Variants in TMEM272 observed in about 807,000 individuals in gnomAD.
The protein encoded by TMEM272 is transmembrane protein 272.
A neutral mutation model predicts 3.7 loss-of-function variants in TMEM272; 8 were observed. The observed-to-expected ratio is 2.17, with a 90% CI of 1.27 to 3.91. The LOEUF (loss-of-function observed/expected upper bound fraction) is 3.91. Ranked by LOEUF, TMEM272 falls within the 30% of genes most tolerant of loss-of-function variation. The pLI, the probability that TMEM272 is intolerant of heterozygous loss-of-function variation, is 0.00. For missense variants in TMEM272, 166 were observed against 91.5 expected, an observed-to-expected ratio of 1.81 and a Z score of -3.32; for synonymous variants, 63 against 39.8, an observed-to-expected ratio of 1.58 and a Z score of -2.20.
intron 1 of TMEM272, among the ~76,000 whole-genome samples, chr13:51,840,366 G>A (rs1434129245): frequency 6.6e-6 from 1 of 152,192 alleles, no homozygotes; most frequent in Non-Finnish European, 1.5e-5. Context: ...CCATTTTACA[G>A]ATGAAGAAAC....
chr13:51,877,356 C>T, the TMEM272 span, among the ~76,000 whole-genome samples: 2 of 152,154 alleles, frequency 1.3e-5, no homozygotes, highest in Non-Finnish European at 2.9e-5. Context: ...CTGCCTTGTC[C>T]ATCTCTGTAC....
chr13:51,899,712 G>C, the TMEM272 span, among the ~76,000 whole-genome samples: 1 of 152,244 alleles, frequency 6.6e-6, no homozygotes, highest in African/African-American at 2.4e-5. Context: ...CAACAAAACT[G>C]GGGGACTCAA....
the TMEM272 span, chr13:51,909,925 T>C: frequency 1.2e-6 from 2 of 1,601,086 alleles, no homozygotes; most frequent in South Asian, 1.1e-5. Flanking sequence ...ACTTGTTCTT[T>C]CCATACTTCA....
intron 1 of TMEM272, among the ~76,000 whole-genome samples, chr13:51,840,769 G>A (rs907460843): frequency 1.3e-5 from 2 of 152,182 alleles, no homozygotes; most frequent in African/African-American, 4.8e-5. Context: ...CTCTTCACAA[G>A]GCTCCATTTT....
the TMEM272 span, among the ~76,000 whole-genome samples, chr13:51,891,254 G>A: frequency 5.6e-4 from 85 of 152,274 alleles, 1 homozygote; most frequent in South Asian, 1.9e-3. Flanking sequence ...ATTACCAAGA[G>A]AAAAGCCTTG....
At chr13:51,854,313 C>T in the TMEM272 span, among the ~76,000 whole-genome samples, 8 of 152,170 alleles carry the variant, frequency 5.3e-5, no homozygotes, top group African/African-American at 9.7e-5. Context: ...TGTAAGAATA[C>T]TTCCCCAACC....
the TMEM272 span, among the ~76,000 whole-genome samples, chr13:51,879,102 T>C: frequency 6.6e-6 from 1 of 152,196 alleles, no homozygotes; most frequent in East Asian, 1.9e-4. Flanking sequence ...AATGGGAACG[T>C]AAGCAGAACT....
chr13:51,908,265 G>C, the TMEM272 span: 1 of 213,330 alleles, frequency 4.7e-6, no homozygotes, highest in Non-Finnish European at 9.2e-6. Context: ...TTTGAAGGCA[G>C]ACTCAACCCT....
At chr13:51,873,199 G>C in the TMEM272 span, among the ~76,000 whole-genome samples, 2 of 152,232 alleles carry the variant, frequency 1.3e-5, no homozygotes, top group Admixed American at 6.5e-5. Flanking sequence ...TTAGTAGTAA[G>C]TATGGAGAAA....
At chr13:51,825,408 G>A (rs1259753187) in intron 3 of TMEM272, among the ~76,000 whole-genome samples, 3 of 152,126 alleles carry the variant, frequency 2.0e-5, no homozygotes, top group African/African-American at 7.2e-5. Flanking sequence ...TAATTCAGTG[G>A]CATTTAGTGG....
the TMEM272 span, among the ~76,000 whole-genome samples, chr13:51,851,541 T>TC: frequency 8.0e-6 from 1 of 124,546 alleles, no homozygotes; most frequent in East Asian, 2.5e-4. Context: ...TTTTTTTTTT[T>TC]TGAGACGGAG....
chr13:51,879,695 G>T, the TMEM272 span, among the ~76,000 whole-genome samples: 2 of 152,278 alleles, frequency 1.3e-5, no homozygotes, highest in African/African-American at 4.8e-5. Flanking sequence ...AGGAATTTCA[G>T]ATCACCTGCT....
intron 2 of TMEM272, among the ~76,000 whole-genome samples, chr13:51,834,806 C>A (rs1179262411): frequency 6.6e-6 from 1 of 152,214 alleles, no homozygotes; most frequent in Admixed American, 6.5e-5. Flanking sequence ...CTGCACTTGT[C>A]CGTTTCATTG....
chr13:51,876,569 C>T, the TMEM272 span, among the ~76,000 whole-genome samples: 1 of 152,190 alleles, frequency 6.6e-6, no homozygotes, highest in African/African-American at 2.4e-5. Context: ...TTTGTACACT[C>T]TGATTTTATT....
chr13:51,920,127 C>A, the TMEM272 span, among the ~76,000 whole-genome samples: 1 of 152,126 alleles, frequency 6.6e-6, no homozygotes, highest in Non-Finnish European at 1.5e-5. Context: ...AGAACATACT[C>A]TCAGCAAGCG....
chr13:51,887,106 T>TA, the TMEM272 span, among the ~76,000 whole-genome samples: 1 of 152,350 alleles, frequency 6.6e-6, no homozygotes, highest in Admixed American at 6.5e-5. Flanking sequence ...GAGCCGCTAC[T>TA]AAGTCCCTAC....
At chr13:51,860,496 AGGTCTG>A in the TMEM272 span, among the ~76,000 whole-genome samples, 1 of 151,856 alleles carries the variant, frequency 6.6e-6, no homozygotes, top group African/African-American at 2.4e-5. Flanking sequence ...AAAATTAGCT[AGGTCTG>A]GTGGCGCACG....
At chr13:51,873,263 T>C in the TMEM272 span, among the ~76,000 whole-genome samples, 23 of 152,178 alleles carry the variant, frequency 1.5e-4, no homozygotes, top group Non-Finnish European at 4.4e-5. Context: ...AACAAAGAGT[T>C]GTGCAGGAAA....
chr13:51,872,385 A>AG, the TMEM272 span, among the ~76,000 whole-genome samples: 1 of 151,590 alleles, frequency 6.6e-6, no homozygotes, highest in African/African-American at 2.4e-5. Context: ...AAACATAGAT[A>AG]GGGGAAGTTT....
Sources: allele counts gnomAD v4.1 joint callset (sites outside exome capture counted in the v4.1 genomes callset), GRCh38; gene constraint gnomAD v4.1.1; transcripts MANE v1.5; gene names NCBI Gene and HGNC (gene_info 2026-07-23, HGNC 2026-07-21).